Variants in RBFOX3 observed in about 807,000 individuals in gnomAD.
The protein encoded by RBFOX3 is RNA binding protein fox-1 homolog 3.
Under a neutral mutation model 48.7 loss-of-function variants are expected in RBFOX3, and 17 were observed. The ratio of observed to expected loss-of-function variants is 0.35; its 90% CI spans 0.24 to 0.52. The LOEUF (loss-of-function observed/expected upper bound fraction) is 0.52, where lower values mean the gene tolerates loss of function less well. Ranked by LOEUF, RBFOX3 falls within the 20% of genes least tolerant of loss-of-function variation. RBFOX3 has a pLI of 0.94. For missense variants in RBFOX3, 382 were observed against 497.5 expected, an observed-to-expected ratio of 0.77 and a Z score of 2.21; for synonymous variants, 212 against 209.5, an observed-to-expected ratio of 1.01 and a Z score of -0.10.
At chr17:79,502,766 T>C (rs975434181) in intron 1 of RBFOX3, among the ~76,000 whole-genome samples, 1 of 152,214 alleles carries the variant, frequency 6.6e-6, no homozygotes, top group African/African-American at 2.4e-5. Context: ...GCATGGATTC[T>C]GTTCCTCGGC....
At chr17:79,367,489 G>A (rs770999499) in intron 2 of RBFOX3, among the ~76,000 whole-genome samples, 20 of 152,056 alleles carry the variant, frequency 1.3e-4, no homozygotes, top group South Asian at 4.2e-4. Flanking sequence ...AGCAGTTAGC[G>A]ATGAGCACTC....
chr17:79,190,760 G>C (rs1230877403), intron 4 of RBFOX3, among the ~76,000 whole-genome samples: 4 of 152,190 alleles, frequency 2.6e-5, no homozygotes, highest in Admixed American at 6.5e-5. Context: ...AGAAGCTGAA[G>C]CCACTGCCGC....
rs985167066 is a variant in RBFOX3 at position 79,579,260 on chromosome 17, T to A, written c.-320+31566A>T. Among the ~76,000 whole-genome samples, 761 of 152,294 alleles carry A rather than the reference T, an allele frequency of 5.0e-3. 4 individuals are homozygous for A. The highest frequency in any genetic ancestry group is 6.4e-3 in the Non-Finnish European group (433 of 68,016). On this transcript the variant is annotated intron_variant, in intron 1 of 14. Transcript: ENST00000693108. ...GCCCAGTCTGACATGCATGCTGCGG[T>A]TGACACGGGTGCTGGCTCTGCTGCC...
intron 2 of RBFOX3, among the ~76,000 whole-genome samples, chr17:79,466,328 C>A (rs941908760): frequency 6.6e-6 from 1 of 152,160 alleles, no homozygotes; most frequent in African/African-American, 2.4e-5. Context: ...GGGCGGGGGG[C>A]GAGCACAGGC....
the RBFOX3 span, among the ~76,000 whole-genome samples, chr17:79,657,454 G>A: frequency 2.0e-5 from 3 of 152,212 alleles, no homozygotes; most frequent in African/African-American, 7.2e-5. Flanking sequence ...CAAGGCAGGT[G>A]GATCACCTGA....
intron 2 of RBFOX3, among the ~76,000 whole-genome samples, chr17:79,383,732 CA>C (rs1347186252): frequency 2.0e-5 from 3 of 152,146 alleles, no homozygotes; most frequent in South Asian, 2.1e-4. Flanking sequence ...GGGTGAGGAT[CA>C]GGGGCACCCC....
rs2058516253 is a variant in RBFOX3 at position 79,212,539 on chromosome 17, T to C, written c.-34+23227A>G. Among the ~76,000 whole-genome samples the C allele has an allele frequency of 6.6e-6, 1 of 152,212 alleles. No individual in the cohort carries two copies. Among genetic ancestry groups the C allele is most frequent in the Non-Finnish European group, 1.5e-5 (1 of 68,042 alleles). ...CCTGACTCCTTATTCTGCACTTCCT[T>C]CCTTGTTCTTCATAAAGAGTAGATT... On this transcript the variant is annotated intron_variant, in intron 4 of 14. Coordinates refer to ENST00000693108, the MANE Select transcript of RBFOX3 (RefSeq NM_001350451.2). The surrounding 1 kb of genome is among the most constrained non-coding windows in gnomAD (Gnocchi z 4.7).
chr17:79,390,220 G>T lies in RBFOX3; in HGVS notation c.-174-82396C>A, dbSNP rs1182623581. Reference sequence around the variant, plus strand: ...CGGGACGCTGCACTGACTTTCAAGTGCCCAGAGGTCCTCCTAGAATAACAC... The same window carrying T: ...CGGGACGCTGCACTGACTTTCAAGTTCCCAGAGGTCCTCCTAGAATAACAC... On this transcript the variant is annotated intron_variant, in intron 2 of 14. Transcript: ENST00000693108. The surrounding 1 kb of genome is among the most constrained non-coding windows in gnomAD (Gnocchi z 4.2). 6.6e-6 allele frequency among the ~76,000 whole-genome samples: 1 copy of T among 152,212 alleles called. No homozygotes were observed. Among genetic ancestry groups the T allele is most frequent in the Non-Finnish European group, 1.5e-5 (1 of 68,042 alleles).
At chr17:79,296,047 G>A (rs973338190) in intron 3 of RBFOX3, among the ~76,000 whole-genome samples, 2 of 151,986 alleles carry the variant, frequency 1.3e-5, no homozygotes, top group African/African-American at 4.8e-5. Context: ...GGGGAGGGGT[G>A]TCAAGAAGGG....
At chr17:79,638,304 GTT>G in the RBFOX3 span, among the ~76,000 whole-genome samples, 1,704 of 88,298 alleles carry the variant, frequency 0.019, 32 homozygotes, top group African/African-American at 0.054. Flanking sequence ...AACTGAGTTG[GTT>G]TTTTTTTTTT....
intron 2 of RBFOX3, among the ~76,000 whole-genome samples, chr17:79,342,843 C>A (rs1023727773): frequency 6.6e-6 from 1 of 152,192 alleles, no homozygotes; most frequent in Non-Finnish European, 1.5e-5. Context: ...ACTCACTTTA[C>A]AACGGGGCTT....
At chr17:79,483,278 G>A (rs771383100) in intron 1 of RBFOX3, among the ~76,000 whole-genome samples, 195 of 151,868 alleles carry the variant, frequency 1.3e-3, no homozygotes, top group Non-Finnish European at 2.1e-3. Context: ...TGGGGCTCTC[G>A]GCAGTCTGGC....
intron 2 of RBFOX3, among the ~76,000 whole-genome samples, chr17:79,385,448 G>C (rs1197986650): frequency 6.6e-6 from 1 of 152,138 alleles, no homozygotes; most frequent in Non-Finnish European, 1.5e-5. Flanking sequence ...AGGACAATCA[G>C]CGAGCCCCCA....
intron 2 of RBFOX3, among the ~76,000 whole-genome samples, chr17:79,468,029 CT>C (rs1864837576): frequency 6.6e-6 from 1 of 152,126 alleles, no homozygotes; most frequent in Admixed American, 6.5e-5. Flanking sequence ...TCACTTCCCA[CT>C]TTGCAGCTTT....
At chr17:79,422,124 A>G (rs936816022) in intron 2 of RBFOX3, among the ~76,000 whole-genome samples, 1 of 151,622 alleles carries the variant, frequency 6.6e-6, no homozygotes, top group African/African-American at 2.4e-5. Context: ...TGGGCCGGGG[A>G]GGAGAGGAGA....
intron 1 of RBFOX3, among the ~76,000 whole-genome samples, chr17:79,490,727 A>AGAG (rs1272744891): frequency 6.7e-6 from 1 of 149,918 alleles, no homozygotes; most frequent in African/African-American, 2.5e-5. Flanking sequence ...GTGTAGAGAG[A>AGAG]GAGAGAGAGA....
chr17:79,490,792 T>C (rs969316206), intron 1 of RBFOX3, among the ~76,000 whole-genome samples: 23 of 150,476 alleles, frequency 1.5e-4, no homozygotes, highest in Admixed American at 4.6e-4. Flanking sequence ...TCCTACAAGA[T>C]GGCAAGCTCT....
intron 4 of RBFOX3, among the ~76,000 whole-genome samples, chr17:79,124,365 C>A (rs549841985): frequency 6.6e-6 from 1 of 152,222 alleles, no homozygotes; most frequent in African/African-American, 2.4e-5. Flanking sequence ...TGACACTGAA[C>A]GAGGCTGTCT....
intron 3 of RBFOX3, among the ~76,000 whole-genome samples, chr17:79,238,118 G>A (rs1363051120): frequency 6.6e-6 from 1 of 152,176 alleles, no homozygotes; most frequent in Non-Finnish European, 1.5e-5. Flanking sequence ...TGTATTTTTG[G>A]TAGAGATGGG....
Sources: allele counts gnomAD v4.1 joint callset (sites outside exome capture counted in the v4.1 genomes callset), GRCh38; gene constraint gnomAD v4.1.1; non-coding constraint Gnocchi (gnomAD v3.1); transcripts MANE v1.5; gene names NCBI Gene and HGNC (gene_info 2026-07-23, HGNC 2026-07-21).